WASHC2C: variants seen among roughly 807,000 people sequenced by gnomAD.
WASHC2C encodes the protein Vaccinia Penetration Factor.
A neutral mutation model predicts 142.2 loss-of-function variants in WASHC2C; 73 were observed. The observed-to-expected ratio is 0.51, with a 90% CI of 0.43 to 0.62. WASHC2C has a LOEUF of 0.62. Ranked by LOEUF, WASHC2C falls within the 20% of genes least tolerant of loss-of-function variation. The pLI, the probability that WASHC2C is intolerant of heterozygous loss-of-function variation, is 0.00. For synonymous variants in WASHC2C, 337 were observed against 565.5 expected (o/e 0.60, Z 5.73); for missense variants, 969 against 1,531.7 (o/e 0.63, Z 6.13).
intron 26 of WASHC2C, 50 bp from the exon 27 acceptor site, chr10:45,786,562 T>A (rs1374874527): frequency 1.9e-6 from 3 of 1,600,458 alleles, no homozygotes; most frequent in Non-Finnish European, 2.6e-6. Context: ...AAGAAACACT[T>A]GTCTTTCTGT....
At chr10:45,784,271 T>TATATATATATATATATACACACACAC (rs1564819755) in intron 23 of WASHC2C, among the ~76,000 whole-genome samples, 40 of 8,716 alleles carry the variant, frequency 4.6e-3, no homozygotes, top group Admixed American at 0.035. Context: ...TATATATATA[T>TATATATATATATATATACACACACAC]ATATATATAT....
At chr10:45,740,775 C>T (rs2051916906) in intron 5 of WASHC2C, among the ~76,000 whole-genome samples, 1 of 152,216 alleles carries the variant, frequency 6.6e-6, no homozygotes, top group Admixed American at 6.5e-5. Context: ...TCCAGGCTCC[C>T]TCATAGCCTA....
chr10:45,769,073 GT>G (rs1554883534), intron 19 of WASHC2C, among the ~76,000 whole-genome samples: 1 of 152,096 alleles, frequency 6.6e-6, no homozygotes, highest in Non-Finnish European at 1.5e-5. Flanking sequence ...ACAAATATAA[GT>G]TTGATTTTAC....
chr10:45,757,085 G>T lies in WASHC2C; in HGVS notation c.1494G>T (p.Ser498=), dbSNP rs1181362440. The change falls in exon 16 of 31, where the codon TCG becomes TCT. Residue 498 remains serine (S), a synonymous_variant. Coordinates refer to ENST00000623400, the MANE Select transcript of WASHC2C (RefSeq NM_001330074.2). The part of the protein sequence containing the change: ...GDLFKEKAVA[S]PEATVSQTDE... ...TGTTCAAAGAAAAAGCCGTAGCATC[G>T]CCAGAAGCCACTGTGAGTCAGACAG... 8 of 1,608,110 alleles carry T rather than the reference G, an allele frequency of 5.0e-6. No individual in the cohort carries two copies. Among genetic ancestry groups the T allele is most frequent in the Non-Finnish European group, 4.2e-6 (5 of 1,178,338 alleles).
At chr10:45,728,473 TCA>T (rs1564681131) in intron 2 of WASHC2C, among the ~76,000 whole-genome samples, 1 of 152,098 alleles carries the variant, frequency 6.6e-6, no homozygotes, top group African/African-American at 2.4e-5. Context: ...GCACAGTGGC[TCA>T]CACCTGTAAT....
At chr10:45,790,208 T>TGGGGTAGTGCATC (rs2058317898) in intron 29 of WASHC2C, 148 bp from the exon 30 acceptor site, 1 of 1,331,974 alleles carries the variant, frequency 7.5e-7, no homozygotes, top group Non-Finnish European at 1.0e-6. Context: ...TGCAGAGATC[T>TGGGGTAGTGCATC]GGGGTAGTGC....
intron 28 of WASHC2C, among the ~76,000 whole-genome samples, chr10:45,788,047 T>G (rs2058173277): frequency 6.6e-6 from 1 of 152,242 alleles, no homozygotes; most frequent in Non-Finnish European, 1.5e-5. Context: ...ATTTCAAATG[T>G]TTGCAAACCT....
At chr10:45,768,917 G>A (rs1211103052) in intron 19 of WASHC2C, among the ~76,000 whole-genome samples, 1 of 151,992 alleles carries the variant, frequency 6.6e-6, no homozygotes, top group African/African-American at 2.4e-5. Flanking sequence ...ATCGTGGCAG[G>A]TGTTGGAGGA....
intron 23 of WASHC2C, among the ~76,000 whole-genome samples, chr10:45,784,295 T>TATATATAC (rs2057846247): frequency 4.5e-5 from 2 of 44,468 alleles, no homozygotes; most frequent in African/African-American, 1.5e-4. Context: ...TATATACACA[T>TATATATAC]ATATATATAT....
intron 21 of WASHC2C, among the ~76,000 whole-genome samples, chr10:45,774,832 G>A (rs1447800536): frequency 7.4e-6 from 1 of 135,602 alleles, no homozygotes; most frequent in Non-Finnish European, 1.6e-5. Flanking sequence ...TGGGAAAAGG[G>A]GGCAGTGAAG....
intron 3 of WASHC2C, among the ~76,000 whole-genome samples, chr10:45,730,333 GCGAAA>G (rs1564686677): frequency 2.7e-5 from 4 of 146,624 alleles, no homozygotes; most frequent in Admixed American, 6.8e-5. Context: ...GGCAATAAGA[GCGAAA>G]CTCCGTCTCA....
rs189317910 is a variant in WASHC2C, at chr10:45,752,119, A to T, written c.1004-469A>T. Among the ~76,000 whole-genome samples the T allele has an allele frequency of 4.3e-3, 661 of 152,340 alleles. 9 individuals carry two copies. The highest frequency in any genetic ancestry group is 0.014 in the African/African-American group (577 of 41,566). On this transcript the variant is annotated intron_variant, in intron 11 of 30. Coordinates refer to ENST00000623400, the MANE Select transcript of WASHC2C (RefSeq NM_001330074.2). ...CTTCCTAGAATTCTTAGAAGTATAG[A>T]AACTTAGGAATCTCAAGCATTTGTT...
chr10:45,751,623 T>C (rs2053598311), intron 11 of WASHC2C, 70 bp downstream of exon 11: 1 of 680,958 alleles, frequency 1.5e-6, no homozygotes. Context: ...ACATAATTCA[T>C]GAAGTACTGC....
rs782693923 is a variant in WASHC2C, at chr10:45,743,405, C to T, written c.544C>T (p.Arg182Cys). ...ILEPKDLYID[R>C]PLPYLIGSKL... is the part of the protein sequence containing the mutation. The stretch of plus-strand genomic sequence containing the variant: ...TCATGTACAGGATCTATACATTGAT[C>T]GTCCTTTACCATATCTCATTGGGTC... Residue 182 changes from arginine (R) to cysteine (C), a missense_variant, in exon 6 of 31, where the codon CGT becomes TGT. Arg to Cys is a radical substitution (Grantham distance 180). Transcript: ENST00000623400. 28 of 1,611,764 alleles carry T rather than the reference C, an allele frequency of 1.7e-5. No homozygotes were observed. Among genetic ancestry groups the T allele is most frequent in the Admixed American group, 3.3e-5 (2 of 59,990 alleles).
At chr10:45,734,777 C>T (rs1303102941) in intron 3 of WASHC2C, among the ~76,000 whole-genome samples, 4 of 152,096 alleles carry the variant, frequency 2.6e-5, no homozygotes, top group Admixed American at 2.6e-4. Context: ...GGCTGGAGTT[C>T]AGTGGTGCAG....
In WASHC2C at chr10:45,754,504, C is replaced by T; in HGVS notation, c.1199C>T (p.Pro400Leu). ...SVKEESSSSK[P>L]GKKIPAGAVS... is the part of the protein sequence containing the mutation. ...ATTCTAGAGTCTTCATCATCCAAAC[C>T]TGGAAAGAAAATCCCAGCAGGAGCT... Residue 400 changes from proline to leucine, a missense_variant, in exon 14 of 31, where the codon CCT (proline) becomes CTT (leucine). By Grantham distance (98) the Pro-to-Leu change is moderately conservative (BLOSUM62 -3). Transcript: ENST00000623400. The T allele has an allele frequency of 6.2e-7, 1 of 1,600,994 alleles. No homozygotes were observed. The highest frequency in any genetic ancestry group is 8.5e-7 in the Non-Finnish European group (1 of 1,173,824).
chr10:45,764,704 T>TTAA (rs2135197792), intron 18 of WASHC2C, among the ~76,000 whole-genome samples: 1 of 152,342 alleles, frequency 6.6e-6, no homozygotes, highest in South Asian at 2.1e-4. Context: ...ACCAGGAACC[T>TTAA]GGGGCAAGTA....
intron 8 of WASHC2C, 81 bp downstream of exon 8, chr10:45,746,728 A>G (rs2052885092): frequency 5.1e-6 from 8 of 1,569,862 alleles, no homozygotes; most frequent in Non-Finnish European, 7.0e-6. Context: ...CTTTGGAATG[A>G]TTTATGACCA....
At chr10:45,772,281 T>C (rs1554884919) in intron 20 of WASHC2C, among the ~76,000 whole-genome samples, 1 of 151,696 alleles carries the variant, frequency 6.6e-6, no homozygotes. Context: ...ATGGCGGTTC[T>C]TTTTGGGGTC....
Sources: allele counts gnomAD v4.1 joint callset (sites outside exome capture counted in the v4.1 genomes callset), GRCh38; gene constraint gnomAD v4.1.1; transcripts MANE v1.5; gene names NCBI Gene and HGNC (gene_info 2026-07-23, HGNC 2026-07-21).